Variants in IARS2 observed in about 807,000 individuals in gnomAD.
IARS2 encodes isoleucine--tRNA ligase, mitochondrial.
In IARS2, 56 loss-of-function variants were observed where a neutral mutation model predicts 126.3. The ratio of observed to expected loss-of-function variants is 0.44; its 90% CI spans 0.36 to 0.55. IARS2 has a LOEUF of 0.55. Ranked by LOEUF, IARS2 falls within the 20% of genes least tolerant of loss-of-function variation. The probability of loss-of-function intolerance (pLI) is 0.00; values close to 1 mark genes in which losing one functional copy is unlikely to be tolerated. For synonymous variants in IARS2, 407 were observed against 441.1 expected (o/e 0.92, Z 0.97); for missense variants, 1,127 against 1,245.9 (o/e 0.90, Z 1.44).
In IARS2 at chr1:220,096,145, AAAAGT is replaced by A. The variant is rs1298348124; in HGVS notation, c.314_318del (p.Val105AspfsTer7). On this transcript the variant is annotated frameshift_variant, in exon 2 of 23. Transcript: ENST00000366922. LOFTEE classifies it high-confidence loss of function. ...AACTTTATTCATGGCAAAGAGAAAG[AAAAGT>A]AAAGACAGAATTTTGCCTTCATGAT... is the stretch of plus-strand genomic sequence containing the variant. The A allele has an allele frequency of 3.9e-6, 6 of 1,541,526 alleles. No homozygotes were observed. Among genetic ancestry groups the A allele is most frequent in the Non-Finnish European group, 4.5e-6 (5 of 1,118,078 alleles).
Position 220,096,566 on chromosome 1 carries a change from T to C in IARS2, c.390+340T>C, listed in dbSNP as rs904967558. On this transcript the variant is annotated intron_variant, in intron 2 of 22. Transcript: ENST00000366922. The stretch of plus-strand genomic sequence containing the variant: ...GTAATCAGTGCTTGGCCCACAGATA[T>C]CAATAATTCATTATTTTTAAAATGC... Among the ~76,000 whole-genome samples, 6 of 152,230 alleles carry C rather than the reference T, an allele frequency of 3.9e-5. No homozygotes were observed. In the South Asian group the frequency reaches 8.3e-4, roughly 21 times the overall value.
At position 220,142,002 on chromosome 1, in the gene IARS2, AACTTCT is replaced by A. The variant is rs567344764; in HGVS notation, c.2560+62_2560+67del. The stretch of plus-strand genomic sequence containing the variant: ...TGAGAAATATCCCTGATCAAGGTGC[AACTTCT>A]ACTTCTATCTGCTTCATAAAAGGGG... On this transcript the variant is annotated intron_variant, in intron 20 of 22. Transcript: ENST00000366922. 2,479 of 1,529,488 alleles carry A rather than the reference AACTTCT, an allele frequency of 1.6e-3. 8 individuals are homozygous for A. Among genetic ancestry groups the A allele is most frequent in the Admixed American group, 3.0e-3 (172 of 57,396 alleles). The allele number at this position is 1,529,488 out of a possible 1,614,324, so 94.7% of individuals were successfully genotyped here. A position where few individuals can be genotyped will look rare whatever the true frequency, so the allele number is the denominator to read the frequency against.
intron 10 of IARS2, among the ~76,000 whole-genome samples, chr1:220,108,394 AT>A (rs1446493858): frequency 0.012 from 1,562 of 129,484 alleles, 34 homozygotes; most frequent in African/African-American, 0.041. Flanking sequence ...TTTTATTTTT[AT>A]TTTTTTTTTA....
chr1:220,147,356 G>C (rs769438946), intron 22 of IARS2, 137 bp from the exon 23 acceptor site: 6 of 745,960 alleles, frequency 8.0e-6, no homozygotes, highest in Middle Eastern at 8.0e-4. Flanking sequence ...TATGTAATGG[G>C]ACAAATGGGG....
Position 220,138,063 on chromosome 1 carries a change from C to T in IARS2, c.2175+20C>T. The stretch of plus-strand genomic sequence containing the variant: ...AGCAAGGTTAGAACTATTATTCTTC[C>T]TATTTCTAAAGGACAAGTTTGTCAA... On this transcript the variant is annotated intron_variant, in intron 17 of 22. Coordinates refer to ENST00000366922, the MANE Select transcript of IARS2 (RefSeq NM_018060.4). The T allele has an allele frequency of 6.2e-7, 1 of 1,609,956 alleles. No individual in the cohort carries two copies. Among genetic ancestry groups the T allele is most frequent in the Non-Finnish European group, 8.5e-7 (1 of 1,177,072 alleles).
At chr1:220,107,007 T>G (rs1432765312) in intron 9 of IARS2, 54 bp from the exon 10 acceptor site, 1 of 1,126,740 alleles carries the variant, frequency 8.9e-7, no homozygotes, top group Non-Finnish European at 1.4e-6. Context: ...TGCCAGATAT[T>G]GTCATAAGAG....
intron 14 of IARS2, among the ~76,000 whole-genome samples, chr1:220,132,921 TA>T (rs967403094): frequency 1.8e-4 from 28 of 152,220 alleles, no homozygotes; most frequent in African/African-American, 5.5e-4. Context: ...CATATGCATT[TA>T]CCTTCTTACA....
At chr1:220,122,804 A>G (rs1159632851) in intron 12 of IARS2, among the ~76,000 whole-genome samples, 1 of 152,178 alleles carries the variant, frequency 6.6e-6, no homozygotes, top group Non-Finnish European at 1.5e-5. Flanking sequence ...GTATTTGCTA[A>G]ATTAATATGA....
rs146100259 is a variant in IARS2 at position 220,096,503 on chromosome 1, A to T, written c.390+277A>T. On this transcript the variant is annotated intron_variant, in intron 2 of 22. Coordinates refer to ENST00000366922, the MANE Select transcript of IARS2 (RefSeq NM_018060.4). ...AATCTGGGAATAGCAGTGGACAAAA[A>T]AAAGGTATGTCTTGGCCGGGCAGTA... is the stretch of plus-strand genomic sequence containing the variant. 4.3e-3 allele frequency among the ~76,000 whole-genome samples: 649 copies of T among 152,314 alleles called. 11 individuals carry two copies. The highest frequency in any genetic ancestry group is 0.028 in the Admixed American group (432 of 15,292).
intron 12 of IARS2, among the ~76,000 whole-genome samples, 163 bp downstream of exon 12, chr1:220,114,637 A>G (rs1656878232): frequency 6.6e-6 from 1 of 152,246 alleles, no homozygotes; most frequent in South Asian, 2.1e-4. Flanking sequence ...CAATTCTATC[A>G]TACAGTTAAA....
intron 13 of IARS2, among the ~76,000 whole-genome samples, chr1:220,125,620 A>G (rs1352438562): frequency 6.6e-6 from 1 of 152,158 alleles, no homozygotes; most frequent in Admixed American, 6.5e-5. Context: ...CCTGGGCAAT[A>G]TGGCAAAACC....
chr1:220,106,165 T>A (rs1656677578), intron 9 of IARS2, 105 bp downstream of exon 9: 1 of 980,422 alleles, frequency 1.0e-6, no homozygotes. Flanking sequence ...TTTGTCATCA[T>A]AATTGTGAAA....
chr1:220,136,411 C>T (rs569765202), intron 15 of IARS2, among the ~76,000 whole-genome samples: 16 of 152,256 alleles, frequency 1.1e-4, no homozygotes, highest in African/African-American at 3.6e-4. Context: ...GGATTACAGG[C>T]GTGAGCCACT....
At chr1:220,101,094 A>G (rs1338844768) in intron 3 of IARS2, among the ~76,000 whole-genome samples, 2 of 152,108 alleles carry the variant, frequency 1.3e-5, no homozygotes, top group Non-Finnish European at 2.9e-5. Context: ...ACTATTGTAC[A>G]TTTGGATGTA....
chr1:220,114,499 A>AGT, intron 12 of IARS2, 25 bp downstream of exon 12: 1 of 1,543,700 alleles, frequency 6.5e-7, no homozygotes, highest in East Asian at 2.3e-5. Context: ...AAAATTTTTT[A>AGT]GTGTTTTAAA....
chr1:220,141,257 AAG>A, intron 19 of IARS2, among the ~76,000 whole-genome samples: 1 of 152,268 alleles, frequency 6.6e-6, no homozygotes, highest in African/African-American at 2.4e-5. Context: ...TCCTGAGGGG[AAG>A]AGAGAGATAT....
At chr1:220,097,263 CTT>C (rs1242447217) in intron 2 of IARS2, among the ~76,000 whole-genome samples, 14 of 151,782 alleles carry the variant, frequency 9.2e-5, no homozygotes, top group Non-Finnish European at 2.1e-4. Context: ...GTCTCTCACT[CTT>C]TGCTACTTTA....
chr1:220,104,692 CTATTT>C (rs562157840), intron 8 of IARS2, among the ~76,000 whole-genome samples: 396 of 152,078 alleles, frequency 2.6e-3, no homozygotes, highest in African/African-American at 9.0e-3. Context: ...GACTAAAATT[CTATTT>C]TATTTTATTT....
intron 14 of IARS2, among the ~76,000 whole-genome samples, chr1:220,127,635 G>A (rs188198734): frequency 7.9e-5 from 12 of 152,216 alleles, no homozygotes; most frequent in Non-Finnish European, 1.5e-4. Flanking sequence ...CTAAGGGCCA[G>A]CTTTGGCCTG....
Sources: allele counts gnomAD v4.1 joint callset (sites outside exome capture counted in the v4.1 genomes callset), GRCh38; gene constraint gnomAD v4.1.1; transcripts MANE v1.5; gene names NCBI Gene and HGNC (gene_info 2026-07-23, HGNC 2026-07-21).